The following AHRR variants were observed in gnomAD, a reference collection of about 807,000 sequenced individuals.
AHRR encodes the protein aryl hydrocarbon receptor repressor.
In AHRR, 28 loss-of-function variants were observed where a neutral mutation model predicts 44.0. The observed-to-expected ratio is 0.64, with a 90% CI of 0.47 to 0.87. The LOEUF is 0.87. AHRR is among the 40% of genes least tolerant of loss of function. AHRR has a pLI of 0.00. For synonymous variants in AHRR, 434 were observed against 407.0 expected (o/e 1.07, Z -0.80); for missense variants, 990 against 953.9 (o/e 1.04, Z -0.50).
Position 433,856 on chromosome 5 carries a change from C to G in AHRR, c.1116C>G (p.Asp372Glu). The change falls in exon 11 of 11, where the codon GAC becomes GAG. Residue 372 changes from aspartate to glutamate, a missense_variant. By Grantham distance (45) the Asp-to-Glu change is conservative. Transcript: ENST00000684583. ...GGGCCCCGTCTTTTCTCTGCAGGGA[C>G]AGGGAGGAGGAGCAGCACAGGATGC... ...LVLDPKGGSG[D>E]REEEQHRMLS... The G allele has an allele frequency of 6.7e-7, 1 of 1,492,568 alleles. No homozygotes were observed. Among genetic ancestry groups the G allele is most frequent in the Non-Finnish European group, 8.9e-7 (1 of 1,124,022 alleles). The allele number at this position is 1,492,568 out of a possible 1,614,324, so 92.5% of individuals were successfully genotyped here.
intron 4 of AHRR, among the ~76,000 whole-genome samples, chr5:397,818 G>A (rs1318445425): frequency 1.1e-5 from 1 of 92,820 alleles, no homozygotes; most frequent in Non-Finnish European, 2.1e-5. Context: ...CGTCCACGTA[G>A]CTCCTGACCG....
rs1734281286 is a variant in AHRR at position 388,864 on chromosome 5, A to G, written c.351+12148A>G. Among the ~76,000 whole-genome samples the G allele has an allele frequency of 6.6e-6, 1 of 152,152 alleles. No homozygotes were observed. The highest frequency in any genetic ancestry group is 1.5e-5 in the Non-Finnish European group (1 of 68,010). ...GTGTGGCTGGGCCAGATGCCTGAGG[A>G]CACAATGCTCATGACAAAAGCAGCA... On this transcript the variant is annotated intron_variant, in intron 4 of 10. Coordinates refer to ENST00000684583, the MANE Select transcript of AHRR (RefSeq NM_001377236.1). This position sits in a 1 kb window ranked among gnomAD's most constrained non-coding sequence, Gnocchi z 5.2.
intron 5 of AHRR, among the ~76,000 whole-genome samples, chr5:415,850 T>C (rs1292209034): frequency 6.6e-6 from 1 of 152,176 alleles, no homozygotes; most frequent in African/African-American, 2.4e-5. Context: ...TTATCCAATT[T>C]CCATAAGAGC....
intron 1 of AHRR, among the ~76,000 whole-genome samples, chr5:332,321 G>A (rs1254366876): frequency 6.8e-6 from 1 of 146,456 alleles, no homozygotes; most frequent in Non-Finnish European, 1.5e-5. Context: ...AGGCTGGAGT[G>A]CAGTGGCATG....
chr5:333,291 A>G (rs1383214019), intron 1 of AHRR, among the ~76,000 whole-genome samples: 1 of 152,160 alleles, frequency 6.6e-6, no homozygotes, highest in East Asian at 1.9e-4. Context: ...TCTGCCAATC[A>G]GTGTCTTTAA....
intron 3 of AHRR, among the ~76,000 whole-genome samples, chr5:372,671 C>T (rs73046964): frequency 0.021 from 3,201 of 152,236 alleles, 100 homozygotes; most frequent in African/African-American, 0.073. Flanking sequence ...TCCCACCCTC[C>T]GTCTGCACCG....
At chr5:424,226 C>T (rs1172837993) in intron 7 of AHRR, among the ~76,000 whole-genome samples, 76 of 136,246 alleles carry the variant, frequency 5.6e-4, no homozygotes, top group African/African-American at 2.2e-3. Context: ...GGGGTGTTAA[C>T]CCATGTGTCT....
chr5:388,614 C>T lies in AHRR; in HGVS notation c.351+11898C>T, dbSNP rs910887966. On this transcript the variant is annotated intron_variant, in intron 4 of 10. Transcript: ENST00000684583. This position sits in a 1 kb window ranked among gnomAD's most constrained non-coding sequence, Gnocchi z 5.2. ...TTCATGCCAGGCAGCCCTGAGGGGC[C>T]GAGCCGACTGGAGGGGCACAGCCTG... Among the ~76,000 whole-genome samples the T allele has an allele frequency of 4.6e-5, 7 of 152,150 alleles. No homozygotes were observed. The highest frequency in any genetic ancestry group is 2.1e-4 in the South Asian group (1 of 4,828).
Position 391,499 on chromosome 5 carries a change from GA to G in AHRR, c.351+14784del, listed in dbSNP as rs1734452807. 7.3e-5 allele frequency among the ~76,000 whole-genome samples: 6 copies of G among 82,194 alleles called. No individual in the cohort carries two copies. In the East Asian group the frequency reaches 1.6e-3, roughly 22 times the overall value. The allele number at this position is 82,194 out of a possible 152,430, so 53.9% of individuals were successfully genotyped here. On this transcript the variant is annotated intron_variant, in intron 4 of 10. Transcript: ENST00000684583. ...GGGCAGGGCGAGGCGGGCGCAGGGT[GA>G]GGCAGGGCCAGAGCGTGCATGGGGG...
intron 10 of AHRR, 69 bp from the exon 11 acceptor site, chr5:433,783 AC>A (rs994390869): frequency 3.4e-5 from 48 of 1,408,664 alleles, no homozygotes; most frequent in Non-Finnish European, 4.3e-5. Context: ...TCCCTTAGAG[AC>A]CCCCACCCAG....
intron 3 of AHRR, among the ~76,000 whole-genome samples, chr5:365,513 G>T (rs1023029951): frequency 6.6e-6 from 1 of 151,972 alleles, no homozygotes; most frequent in East Asian, 1.9e-4. Context: ...ATAAAAGAAG[G>T]CTAAATATTA....
At chr5:427,658 C>A in intron 7 of AHRR, 149 bp from the exon 8 acceptor site, 3 of 1,613,040 alleles carry the variant, frequency 1.9e-6, no homozygotes, top group Non-Finnish European at 2.5e-6. Context: ...ACAGGCTTGG[C>A]AGCTGCGGCT....
chr5:361,437 G>A (rs1329716351), intron 3 of AHRR, among the ~76,000 whole-genome samples: 7 of 152,252 alleles, frequency 4.6e-5, no homozygotes, highest in Non-Finnish European at 7.3e-5. Context: ...CCAGTGGCTG[G>A]CATGTTTCAT....
At chr5:401,878 A>C (rs1735027606) in intron 4 of AHRR, among the ~76,000 whole-genome samples, 4 of 152,244 alleles carry the variant, frequency 2.6e-5, no homozygotes, top group Admixed American at 2.6e-4. Flanking sequence ...TGGGTTAGCA[A>C]GAGGTATCTA....
intron 1 of AHRR, among the ~76,000 whole-genome samples, chr5:324,001 T>TCTC (rs1741603066): frequency 4.3e-5 from 5 of 117,358 alleles, no homozygotes; most frequent in African/African-American, 9.3e-5. Flanking sequence ...TCCTTTCTTT[T>TCTC]TTTCTCTTTC....
intron 4 of AHRR, chr5:403,984 T>C: frequency 1.7e-6 from 2 of 1,155,934 alleles, no homozygotes; most frequent in Non-Finnish European, 2.6e-6. Flanking sequence ...ATTTTCTGCT[T>C]TCTTTACAGT....
chr5:412,513 G>T (rs1049433436), intron 4 of AHRR, among the ~76,000 whole-genome samples: 27 of 152,098 alleles, frequency 1.8e-4, no homozygotes, highest in African/African-American at 6.3e-4. Context: ...GAAACTACAG[G>T]CCAAGTTTAA....
chr5:405,111 AT>A lies in AHRR; in HGVS notation c.352-8230del. On this transcript the variant is annotated intron_variant, in intron 4 of 10. Coordinates refer to ENST00000684583, the MANE Select transcript of AHRR (RefSeq NM_001377236.1). This position sits in a 1 kb window ranked among gnomAD's most constrained non-coding sequence, Gnocchi z 4.5. ...CCCAAAGAAATGCAGCAGGTCTGAC[AT>A]TTCCCCATTTCTCTTGGGGAAATCT... is the stretch of plus-strand genomic sequence containing the variant. 6.6e-6 allele frequency among the ~76,000 whole-genome samples: 1 copy of A among 152,096 alleles called. No homozygotes were observed. Among genetic ancestry groups the A allele is most frequent in the Non-Finnish European group, 1.5e-5 (1 of 68,004 alleles).
chr5:377,477 G>A (rs539317461), intron 4 of AHRR, among the ~76,000 whole-genome samples: 2 of 152,252 alleles, frequency 1.3e-5, no homozygotes, highest in South Asian at 4.1e-4. Flanking sequence ...AACAGGGTGG[G>A]CTCCAGCCGG....
Sources: allele counts gnomAD v4.1 joint callset (sites outside exome capture counted in the v4.1 genomes callset), GRCh38; gene constraint gnomAD v4.1.1; non-coding constraint Gnocchi (gnomAD v3.1); transcripts MANE v1.5; gene names NCBI Gene and HGNC (gene_info 2026-07-23, HGNC 2026-07-21).